SYNPO2: variants seen among roughly 807,000 people sequenced by gnomAD.
The protein encoded by SYNPO2 is synaptopodin 2, also known as synaptopodin-2.
SYNPO2 carries 56 observed loss-of-function variants against 85.0 expected under a neutral mutation model. That is an observed-to-expected ratio of 0.66 (90% CI 0.53 to 0.82). The LOEUF (loss-of-function observed/expected upper bound fraction) is 0.82, where lower values mean the gene tolerates loss of function less well. Ranked by LOEUF, SYNPO2 falls within the 40% of genes least tolerant of loss-of-function variation. The pLI is 0.00. For missense variants in SYNPO2, 1,575 were observed against 1,534.2 expected (o/e 1.03, Z -0.44); for synonymous variants, 602 against 591.1 (o/e 1.02, Z -0.27).
At chr4:118,929,243 T>C (rs750350907) in intron 1 of SYNPO2, among the ~76,000 whole-genome samples, 18 of 152,182 alleles carry the variant, frequency 1.2e-4, no homozygotes, top group Non-Finnish European at 2.1e-4. Flanking sequence ...ATAATAATCA[T>C]AGTAATAAAG....
intron 1 of SYNPO2, among the ~76,000 whole-genome samples, chr4:118,982,789 T>G (rs1451806969): frequency 6.6e-6 from 1 of 152,198 alleles, no homozygotes; most frequent in Non-Finnish European, 1.5e-5. Context: ...CTACATTCTT[T>G]CCTTTGCTTC....
intron 1 of SYNPO2, among the ~76,000 whole-genome samples, chr4:118,896,739 A>T (rs1262570068): frequency 6.6e-6 from 1 of 152,240 alleles, no homozygotes; most frequent in Non-Finnish European, 1.5e-5. Context: ...TATTGGATGT[A>T]GTTTCCTTTA....
At chr4:118,918,981 G>A (rs945423023) in intron 1 of SYNPO2, among the ~76,000 whole-genome samples, 4 of 152,010 alleles carry the variant, frequency 2.6e-5, no homozygotes, top group Non-Finnish European at 4.4e-5. Context: ...CTAAAATTAG[G>A]ACTATTATGA....
At chr4:118,932,528 CAACA>C (rs1462184971) in intron 1 of SYNPO2, among the ~76,000 whole-genome samples, 2 of 152,050 alleles carry the variant, frequency 1.3e-5, no homozygotes, top group African/African-American at 4.8e-5. Context: ...TTACATTGGC[CAACA>C]AATACCTAGA....
intron 4 of SYNPO2, among the ~76,000 whole-genome samples, chr4:119,055,089 C>T (rs1320582915): frequency 6.6e-6 from 1 of 152,136 alleles, no homozygotes; most frequent in Non-Finnish European, 1.5e-5. Flanking sequence ...TTTTTCCTGT[C>T]AAGACAGTTA....
At chr4:118,923,439 G>A (rs1201276408) in intron 1 of SYNPO2, among the ~76,000 whole-genome samples, 3 of 151,964 alleles carry the variant, frequency 2.0e-5, no homozygotes, top group African/African-American at 7.3e-5. Flanking sequence ...CTACCTACCA[G>A]GTACTGTGCT....
chr4:119,000,891 C>A (rs1391526566), intron 1 of SYNPO2, among the ~76,000 whole-genome samples: 1 of 152,116 alleles, frequency 6.6e-6, no homozygotes, highest in Non-Finnish European at 1.5e-5. Flanking sequence ...TCTGCTGAGA[C>A]ATAAGTCTAG....
intron 1 of SYNPO2, among the ~76,000 whole-genome samples, chr4:118,922,291 G>C (rs1733567267): frequency 6.6e-6 from 1 of 152,070 alleles, no homozygotes; most frequent in Non-Finnish European, 1.5e-5. Flanking sequence ...ATGTACGTCT[G>C]CATGATAGGG....
intron 1 of SYNPO2, among the ~76,000 whole-genome samples, chr4:118,978,205 G>A (rs985878180): frequency 6.6e-6 from 1 of 152,182 alleles, no homozygotes; most frequent in Non-Finnish European, 1.5e-5. Context: ...CTAGGAATGA[G>A]CCAAGTCACA....
intron 1 of SYNPO2, among the ~76,000 whole-genome samples, chr4:118,879,366 A>C (rs191902007): frequency 2.0e-4 from 31 of 152,250 alleles, no homozygotes; most frequent in African/African-American, 7.5e-4. Context: ...TGAAATTCAT[A>C]TGTTGAATCC....
intron 1 of SYNPO2, among the ~76,000 whole-genome samples, chr4:118,864,419 G>T (rs1238987359): frequency 6.6e-6 from 1 of 152,164 alleles, no homozygotes; most frequent in African/African-American, 2.4e-5. Context: ...TTCTGCAGCC[G>T]TTGGATGAAA....
At position 119,026,900 on chromosome 4, in the gene SYNPO2, C is replaced by T. The variant is rs139521362; in HGVS notation, c.531C>T (p.Arg177=). 1.2e-5 allele frequency: 20 copies of T among 1,614,106 alleles called. No homozygotes were observed. Among genetic ancestry groups the T allele is most frequent in the Non-Finnish European group, 1.4e-5 (17 of 1,180,016 alleles). The part of the protein sequence containing the change: ...APQMPDSQRG[R]VAEELILREK... ...AAATGCCTGACTCCCAAAGAGGACG[C>T]GTGGCAGAAGAGCTGATCTTAAGGG... is the stretch of plus-strand genomic sequence containing the variant. The change falls in exon 3 of 5, where the codon CGC becomes CGT. Residue 177 remains arginine, a synonymous_variant. Transcript: ENST00000307142.
intron 1 of SYNPO2, 64 bp downstream of exon 1, chr4:118,889,205 A>T (rs920691167): frequency 7.5e-6 from 11 of 1,473,340 alleles, no homozygotes; most frequent in Non-Finnish European, 9.3e-6. Flanking sequence ...CAACCTGCTG[A>T]TGGTGTTTTC....
intron 1 of SYNPO2, among the ~76,000 whole-genome samples, chr4:118,905,444 G>A (rs1044801330): frequency 4.1e-5 from 1 of 24,354 alleles, no homozygotes; most frequent in Non-Finnish European, 1.4e-4. Context: ...GTGTGTGTGC[G>A]TGTGTGTGTG....
intron 1 of SYNPO2, among the ~76,000 whole-genome samples, chr4:118,973,075 G>T (rs1735595838): frequency 1.3e-5 from 2 of 152,020 alleles, no homozygotes; most frequent in Admixed American, 6.5e-5. Flanking sequence ...ATTTATGATG[G>T]GTTTTGTGGG....
At chr4:118,988,319 T>A (rs562775835) in intron 1 of SYNPO2, among the ~76,000 whole-genome samples, 11 of 152,258 alleles carry the variant, frequency 7.2e-5, no homozygotes, top group African/African-American at 2.6e-4. Context: ...AGTGTTTTTT[T>A]TTTTTCCTGG....
intron 1 of SYNPO2, among the ~76,000 whole-genome samples, chr4:118,916,356 A>G (rs989957441): frequency 2.6e-5 from 4 of 151,798 alleles, no homozygotes; most frequent in Non-Finnish European, 5.9e-5. Context: ...TATTTTTTGT[A>G]GAAATGGGGT....
intron 4 of SYNPO2, among the ~76,000 whole-genome samples, chr4:119,054,595 G>A (rs1466448128): frequency 1.3e-5 from 2 of 152,116 alleles, no homozygotes; most frequent in African/African-American, 2.4e-5. Flanking sequence ...TCTCTCTGAA[G>A]TCTGGCCGTC....
In SYNPO2 at chr4:119,031,646, ACCCCTCAAT is replaced by A; in HGVS notation, c.2872_2880del (p.Pro958_Asn960del). 6.2e-7 allele frequency: 1 copy of A among 1,613,922 alleles called. No individual in the cohort carries two copies. The highest frequency in any genetic ancestry group is 8.5e-7 in the Non-Finnish European group (1 of 1,179,988). On this transcript the variant is annotated inframe_deletion, in exon 4 of 5. Coordinates refer to ENST00000307142, the MANE Select transcript of SYNPO2 (RefSeq NM_133477.3). ...AAATGGGCAAGAAAAAGGGAAAGAA[ACCCCTCAAT>A]GCATTAGATGTCATGAAGCACCAAC...
Sources: allele counts gnomAD v4.1 joint callset (sites outside exome capture counted in the v4.1 genomes callset), GRCh38; gene constraint gnomAD v4.1.1; transcripts MANE v1.5; gene names NCBI Gene and HGNC (gene_info 2026-07-23, HGNC 2026-07-21).